FUT8: variants seen among roughly 807,000 people sequenced by gnomAD.
The protein encoded by FUT8 is alpha-(1,6)-fucosyltransferase.
FUT8 carries 29 observed loss-of-function variants against 71.3 expected under a neutral mutation model. The ratio of observed to expected loss-of-function variants is 0.41; its 90% CI spans 0.30 to 0.55. The LOEUF (loss-of-function observed/expected upper bound fraction) is 0.55. Ranked by LOEUF, FUT8 falls within the 20% of genes least tolerant of loss-of-function variation. The probability of loss-of-function intolerance (pLI) is 0.34; values close to 1 mark genes in which losing one functional copy is unlikely to be tolerated. For synonymous variants in FUT8, 254 were observed against 239.3 expected (o/e 1.06, Z -0.57); for missense variants, 544 against 702.1 (o/e 0.77, Z 2.55).
chr14:65,693,987 TA>T (rs1893851353), intron 7 of FUT8, among the ~76,000 whole-genome samples: 1 of 152,238 alleles, frequency 6.6e-6, no homozygotes, highest in Non-Finnish European at 1.5e-5. Context: ...GTGTTATCCA[TA>T]ATATTCCTTT....
chr14:65,708,044 G>C (rs1007219667), intron 7 of FUT8, among the ~76,000 whole-genome samples: 1 of 152,176 alleles, frequency 6.6e-6, no homozygotes, highest in Non-Finnish European at 1.5e-5. Flanking sequence ...TGAATCTGTA[G>C]ATTGCTTTGG....
chr14:65,692,723 G>A (rs1321485509), intron 7 of FUT8, among the ~76,000 whole-genome samples: 18 of 149,444 alleles, frequency 1.2e-4, no homozygotes, highest in African/African-American at 3.7e-4. Context: ...GGCGGCTGCC[G>A]GGCGGAGGGG....
intron 2 of FUT8, among the ~76,000 whole-genome samples, chr14:65,557,397 A>G (rs1399026993): frequency 6.8e-6 from 1 of 146,488 alleles, no homozygotes; most frequent in Non-Finnish European, 1.5e-5. Flanking sequence ...TGGTGTTGTG[A>G]TCTCGGCTCA....
chr14:65,524,816 C>T (rs1883335020), intron 2 of FUT8, among the ~76,000 whole-genome samples: 2 of 152,158 alleles, frequency 1.3e-5, no homozygotes, highest in Admixed American at 1.3e-4. Flanking sequence ...GCCTTTTCTG[C>T]ATCTATTGAG....
chr14:65,387,789 A>G, the FUT8 span, among the ~76,000 whole-genome samples: 1 of 152,146 alleles, frequency 6.6e-6, no homozygotes, highest in African/African-American at 2.4e-5. Context: ...ATGTTGTCCA[A>G]CATCTGAAAA....
intron 8 of FUT8, 71 bp downstream of exon 8, chr14:65,722,092 G>T: frequency 1.3e-6 from 2 of 1,550,164 alleles, no homozygotes; most frequent in East Asian, 4.5e-5. Flanking sequence ...ACAATATATT[G>T]TGAATTTTAC....
chr14:65,617,199 A>T, intron 5 of FUT8: 1 of 1,527,352 alleles, frequency 6.5e-7, no homozygotes. Flanking sequence ...CAAGTAAGAG[A>T]TTTCATATTT....
chr14:65,487,044 C>T (rs2066418662), intron 2 of FUT8, among the ~76,000 whole-genome samples: 1 of 152,124 alleles, frequency 6.6e-6, no homozygotes, highest in East Asian at 1.9e-4. Context: ...TCAGCCAGAG[C>T]ACAGTTAGAC....
At chr14:65,653,238 ATTAG>A (rs1484435598) in intron 6 of FUT8, among the ~76,000 whole-genome samples, 1 of 152,012 alleles carries the variant, frequency 6.6e-6, no homozygotes, top group African/African-American at 2.4e-5. Flanking sequence ...TTATTTATTT[ATTAG>A]TTTATTTTTG....
At chr14:65,480,019 T>C (rs2066305037) in intron 2 of FUT8, among the ~76,000 whole-genome samples, 1 of 152,202 alleles carries the variant, frequency 6.6e-6, no homozygotes, top group Non-Finnish European at 1.5e-5. Context: ...TGATTGGTTC[T>C]GGGTGGCATT....
intron 3 of FUT8, among the ~76,000 whole-genome samples, chr14:65,588,060 T>C (rs55648350): frequency 0.058 from 8,883 of 152,262 alleles, 311 homozygotes; most frequent in Admixed American, 0.11. Flanking sequence ...CCAGCAAATA[T>C]TTACAGAATT....
chr14:65,491,602 A>G (rs889736728), intron 2 of FUT8, among the ~76,000 whole-genome samples: 6 of 152,184 alleles, frequency 3.9e-5, no homozygotes, highest in African/African-American at 7.2e-5. Flanking sequence ...TAAGGGAACT[A>G]TATTTATAAA....
At chr14:65,365,393 G>C in the FUT8 span, among the ~76,000 whole-genome samples, 13 of 151,042 alleles carry the variant, frequency 8.6e-5, no homozygotes, top group Non-Finnish European at 1.8e-4. Flanking sequence ...TGAGCATCTA[G>C]TATTGTAAGA....
At chr14:65,507,270 A>G (rs1390937887) in intron 2 of FUT8, among the ~76,000 whole-genome samples, 1 of 152,228 alleles carries the variant, frequency 6.6e-6, no homozygotes, top group Non-Finnish European at 1.5e-5. Context: ...TACTGAAGTT[A>G]TGCAAACTCT....
At position 65,413,788 on chromosome 14, in the gene FUT8, T is replaced by C. The variant is rs976313896; in HGVS notation, c.-326+574T>C. On this transcript the variant is annotated intron_variant, in intron 1 of 10. Coordinates refer to ENST00000673929, the MANE Select transcript of FUT8 (RefSeq NM_001371533.1). The surrounding 1 kb of genome is among the most constrained non-coding windows in gnomAD (Gnocchi z 4.1). ...CCCTTTTGATGTGCAAATGACGAGC[T>C]GGCGGCTTTTGAGTATCAACTTATT... Among the ~76,000 whole-genome samples, 6 of 152,212 alleles carry C rather than the reference T, an allele frequency of 3.9e-5. No homozygotes were observed.
At chr14:65,437,703 TG>T (rs755645089) in intron 1 of FUT8, among the ~76,000 whole-genome samples, 44 of 152,338 alleles carry the variant, frequency 2.9e-4, no homozygotes, top group African/African-American at 5.8e-4. Flanking sequence ...AATTTCTTAA[TG>T]TTTTTTTGTT....
chr14:65,724,477 T>G (rs1235667333), intron 9 of FUT8, among the ~76,000 whole-genome samples, 154 bp downstream of exon 9: 3 of 152,202 alleles, frequency 2.0e-5, no homozygotes, highest in Non-Finnish European at 4.4e-5. Flanking sequence ...TAACTGTCAG[T>G]CTAATCAAAG....
chr14:65,619,663 G>T (rs1416662279), intron 5 of FUT8, among the ~76,000 whole-genome samples: 1 of 152,076 alleles, frequency 6.6e-6, no homozygotes, highest in Non-Finnish European at 1.5e-5. Context: ...TAAGAATTTA[G>T]AGGTGTTGAT....
chr14:65,452,003 G>A (rs959858028), intron 1 of FUT8, among the ~76,000 whole-genome samples: 4 of 152,100 alleles, frequency 2.6e-5, no homozygotes, highest in Admixed American at 2.6e-4. Flanking sequence ...TTATGCTGGG[G>A]ACCCACCATT....
Sources: allele counts gnomAD v4.1 joint callset (sites outside exome capture counted in the v4.1 genomes callset), GRCh38; gene constraint gnomAD v4.1.1; non-coding constraint Gnocchi (gnomAD v3.1); transcripts MANE v1.5; gene names NCBI Gene and HGNC (gene_info 2026-07-23, HGNC 2026-07-21).